The following MEI1 variants were observed in gnomAD, a reference collection of about 807,000 sequenced individuals.
MEI1 encodes the protein meiotic double-stranded break formation protein 1.
In MEI1, 103 loss-of-function variants were observed where a neutral mutation model predicts 146.2. That is an observed-to-expected ratio of 0.70 (90% CI 0.60 to 0.83). The LOEUF is 0.83. Among genes scored for constraint, MEI1 ranks in the 40% least tolerant of loss-of-function variants. The pLI is 0.00. For synonymous variants in MEI1, 652 were observed against 628.2 expected (o/e 1.04, Z -0.57); for missense variants, 1,529 against 1,533.0 (o/e 1.00, Z 0.04).
intron 11 of MEI1, among the ~76,000 whole-genome samples, chr22:41,738,988 A>G (rs1427828388): frequency 1.3e-5 from 2 of 151,846 alleles, no homozygotes; most frequent in Admixed American, 6.6e-5. Context: ...AATAAATTAT[A>G]GAGGATTTAT....
chr22:41,729,134 C>T (rs2071623719), intron 7 of MEI1, among the ~76,000 whole-genome samples: 2 of 144,442 alleles, frequency 1.4e-5, no homozygotes, highest in African/African-American at 5.3e-5. Flanking sequence ...CACTGTACTC[C>T]AGCCTGGGCG....
intron 11 of MEI1, among the ~76,000 whole-genome samples, chr22:41,740,730 A>AAAAACC (rs920752273): frequency 1.3e-5 from 2 of 150,736 alleles, no homozygotes; most frequent in African/African-American, 4.9e-5. Context: ...ACCCTGTCTC[A>AAAAACC]AAAACAAAAA....
At chr22:41,702,744 C>T (rs2068806227) in intron 1 of MEI1, among the ~76,000 whole-genome samples, 2 of 152,038 alleles carry the variant, frequency 1.3e-5, no homozygotes, top group African/African-American at 4.8e-5. Flanking sequence ...CATGCCCGGC[C>T]TCTGAACACA....
intron 3 of MEI1, among the ~76,000 whole-genome samples, chr22:41,712,931 C>T (rs777292889): frequency 1.6e-4 from 24 of 151,350 alleles, no homozygotes; most frequent in Non-Finnish European, 2.4e-4. Flanking sequence ...GCCTCAGCCT[C>T]CTGAGTAGCT....
At chr22:41,744,929 C>A (rs1387879805) in intron 12 of MEI1, 44 bp from the exon 13 acceptor site, 2 of 1,254,462 alleles carry the variant, frequency 1.6e-6, no homozygotes, top group South Asian at 1.5e-5. Context: ...TGAGACACAG[C>A]ATATACTTGA....
chr22:41,798,010 C>G (rs1189557881), intron 30 of MEI1, among the ~76,000 whole-genome samples: 1 of 152,028 alleles, frequency 6.6e-6, no homozygotes, highest in Non-Finnish European at 1.5e-5. Flanking sequence ...CTCAGATTTG[C>G]CTGTCTCCAA....
intron 15 of MEI1, 68 bp downstream of exon 15, chr22:41,748,286 C>T: frequency 2.0e-6 from 2 of 1,009,072 alleles, no homozygotes; most frequent in Non-Finnish European, 3.1e-6. Context: ...AGAGAGTATT[C>T]AAAGAGAGGA....
chr22:41,702,934 G>T (rs2068823706), intron 1 of MEI1, among the ~76,000 whole-genome samples: 1 of 151,900 alleles, frequency 6.6e-6, no homozygotes, highest in African/African-American at 2.4e-5. Flanking sequence ...TGGCCATGCT[G>T]GTCTGGAACT....
intron 5 of MEI1, 85 bp downstream of exon 5, chr22:41,716,231 A>C (rs1239181917): frequency 5.7e-6 from 5 of 883,326 alleles, no homozygotes; most frequent in Non-Finnish European, 9.0e-6. Flanking sequence ...CACTCTGTAC[A>C]CCTGGGAAGT....
At position 41,776,114 on chromosome 22, in the gene MEI1, T is replaced by A. The variant is rs17002665; in HGVS notation, c.2557T>A (p.Ser853Thr). Residue 853 changes from serine (S) to threonine (T), a missense_variant, in exon 21 of 31, where the codon TCC becomes ACC. Physicochemically the swap from Ser to Thr is moderately conservative, Grantham distance 58 (BLOSUM62 1). This residue lies in a region of MEI1 where 1,212 missense variants were observed against 1,178.9 expected (regional missense o/e 1.03). Transcript: ENST00000401548. ...CTCTCCTGCTCAGGACCTCATCTAT[T>A]CCAGCCCAGTGGACACAGCTCACAA... Reference protein sequence around the residue: ...ILLILLDLIYSSPVDTAHKVL... With the variant: ...ILLILLDLIYTSPVDTAHKVL... 2.1e-3 allele frequency: 3,423 copies of A among 1,613,968 alleles called. 57 individuals carry two copies. The African/African-American group carries it at 0.041, about 19-fold the overall frequency.
chr22:41,718,101 T>C lies in MEI1; in HGVS notation c.560T>C (p.Leu187Ser). Residue 187 changes from leucine to serine, a missense_variant, in exon 6 of 31, where the codon TTA becomes TCA. Leu to Ser is a moderately radical substitution (Grantham distance 145). Around this residue, in one of 3 missense-constraint regions of MEI1, gnomAD observed 1,212 missense variants for 1,178.9 expected, o/e 1.03. Coordinates refer to ENST00000401548, the MANE Select transcript of MEI1 (RefSeq NM_152513.4). ...GNLMEHLLRGLVYPSEGIQAS... is the reference protein window; with the variant it reads ...GNLMEHLLRGSVYPSEGIQAS... ...CTGATGGAGCATCTGTTGAGAGGCT[T>C]AGTATACCCCAGTGAGGGCATACAA... The C allele has an allele frequency of 1.2e-6, 2 of 1,612,724 alleles. No homozygotes were observed. Among genetic ancestry groups the C allele is most frequent in the Admixed American group, 3.3e-5 (2 of 59,994 alleles).
In MEI1 at chr22:41,781,365, A is replaced by T; in HGVS notation, c.2897A>T (p.His966Leu). The change falls in exon 23 of 31, where the codon CAT becomes CTT. Residue 966 changes from histidine to leucine, a missense_variant. His to Leu is a moderately conservative substitution (Grantham distance 99). Coordinates refer to ENST00000401548, the MANE Select transcript of MEI1 (RefSeq NM_152513.4). ...PSFNFLYWSL[H>L]QTTPSSQKRA... is the part of the protein sequence containing the mutation. The stretch of plus-strand genomic sequence containing the variant: ...TTCAACTTCCTGTATTGGAGCCTTC[A>T]TCAGACCACACCCAGCAGTCAGAAA... 1.9e-6 allele frequency: 3 copies of T among 1,613,506 alleles called. No individual in the cohort carries two copies. In the South Asian group the frequency reaches 3.3e-5, roughly 18 times the overall value.
At chr22:41,792,705 G>T (rs1473769901) in intron 26 of MEI1, among the ~76,000 whole-genome samples, 4 of 152,094 alleles carry the variant, frequency 2.6e-5, no homozygotes, top group Admixed American at 6.6e-5. Context: ...TCCCAAAGTG[G>T]CTGCACCATT....
At chr22:41,730,699 G>A in intron 9 of MEI1, 62 bp downstream of exon 9, 3 of 1,062,048 alleles carry the variant, frequency 2.8e-6, no homozygotes, top group Non-Finnish European at 4.4e-6. Context: ...CACTTGGGTA[G>A]CAGCCGCAGT....
At chr22:41,749,947 T>C (rs2073636390) in intron 15 of MEI1, among the ~76,000 whole-genome samples, 1 of 152,064 alleles carries the variant, frequency 6.6e-6, no homozygotes, top group Non-Finnish European at 1.5e-5. Context: ...GAAAGTGAGA[T>C]GTTCCAGTGA....
intron 15 of MEI1, among the ~76,000 whole-genome samples, chr22:41,752,112 T>C (rs1405652942): frequency 6.6e-6 from 1 of 151,994 alleles, no homozygotes; most frequent in Admixed American, 6.6e-5. Flanking sequence ...GGACCTCTGT[T>C]CTGAGAATCA....
intron 20 of MEI1, among the ~76,000 whole-genome samples, chr22:41,771,705 G>A (rs899174446): frequency 1.2e-4 from 19 of 152,164 alleles, no homozygotes; most frequent in African/African-American, 4.6e-4. Flanking sequence ...GGAATTAGAT[G>A]GGCTAATTAG....
At chr22:41,738,975 A>C (rs909034016) in intron 11 of MEI1, among the ~76,000 whole-genome samples, 3 of 151,914 alleles carry the variant, frequency 2.0e-5, no homozygotes, top group Non-Finnish European at 4.4e-5. Flanking sequence ...TTGAAAATAA[A>C]TAAATAAATT....
intron 30 of MEI1, among the ~76,000 whole-genome samples, chr22:41,797,227 G>A (rs1251561791): frequency 6.6e-6 from 1 of 152,100 alleles, no homozygotes; most frequent in Non-Finnish European, 1.5e-5. Context: ...GAGCTCAGGT[G>A]ATCTGCCTGC....
Sources: gnomAD v4.1 joint callset for allele counts (sites outside exome capture counted in the v4.1 genomes callset) on GRCh38, gnomAD v4.1.1 for gene constraint, gnomAD v4.1.1 regional missense constraint, MANE v1.5 for transcripts, NCBI Gene and HGNC (gene_info 2026-07-23, HGNC 2026-07-21) for gene names.